Variants in GAB2 observed in about 807,000 individuals in gnomAD.
The protein encoded by GAB2 is GRB2-associated-binding protein 2.
Under a neutral mutation model 65.5 loss-of-function variants are expected in GAB2, and 26 were observed. That is an observed-to-expected ratio of 0.40 (90% CI 0.29 to 0.55). The LOEUF (loss-of-function observed/expected upper bound fraction) is 0.55, where lower values mean the gene tolerates loss of function less well. GAB2 is among the 20% of genes least tolerant of loss of function. The pLI, the probability that GAB2 is intolerant of heterozygous loss-of-function variation, is 0.53. For synonymous variants in GAB2, 321 were observed against 329.6 expected, an observed-to-expected ratio of 0.97 and a Z score of 0.28; for missense variants, 884 against 875.8, an observed-to-expected ratio of 1.01 and a Z score of -0.12.
intron 1 of GAB2, among the ~76,000 whole-genome samples, chr11:78,374,439 G>A (rs1400324134): frequency 6.6e-6 from 1 of 152,106 alleles, no homozygotes; most frequent in East Asian, 1.9e-4. Context: ...GAAAGACTTG[G>A]GGGTTACCCG....
chr11:78,404,672 T>C (rs1214084643), intron 1 of GAB2, among the ~76,000 whole-genome samples: 2 of 152,210 alleles, frequency 1.3e-5, no homozygotes, highest in Non-Finnish European at 2.9e-5. Flanking sequence ...ATTTAAACAC[T>C]GCATGTTCTT....
intron 2 of GAB2, among the ~76,000 whole-genome samples, chr11:78,274,768 A>T (rs1207437667): frequency 6.6e-6 from 1 of 152,248 alleles, no homozygotes; most frequent in African/African-American, 2.4e-5. Flanking sequence ...TCAGCCTGCC[A>T]TAGGGACCCC....
rs867372346 is a variant in GAB2, at chr11:78,231,338, T to G, written c.621-4287A>C. 4.2e-3 allele frequency among the ~76,000 whole-genome samples: 551 copies of G among 130,752 alleles called. 7 individuals are homozygous for G. Among genetic ancestry groups the G allele is most frequent in the Middle Eastern group, 0.022 (6 of 278 alleles). The allele number at this position is 130,752 out of a possible 152,430, so 85.8% of individuals were successfully genotyped here. A position where few individuals can be genotyped will look rare whatever the true frequency, so the allele number is the denominator to read the frequency against. On this transcript the variant is annotated intron_variant, in intron 3 of 9. Transcript: ENST00000361507. ...TTGGTGCGCGCGCGCGCGTGTGTGG[T>G]GTGTGTGTGTGTGTGTGTGTGTGTG...
rs569887849 is a variant in GAB2, at chr11:78,367,821, C to CTT, written c.75+49823_75+49824dup. On this transcript the variant is annotated intron_variant, in intron 1 of 9. Coordinates refer to ENST00000361507, the MANE Select transcript of GAB2 (RefSeq NM_080491.3). ...TATGTCAGTGCTTAATTTTCTTTTTCTTTTTTTTTTTTTTTTTTTTTGAGA... is the reference window on the plus strand; with the variant it reads ...TATGTCAGTGCTTAATTTTCTTTTTCTTTTTTTTTTTTTTTTTTTTTTTGAGA... 7.5e-3 allele frequency among the ~76,000 whole-genome samples: 865 copies of CTT among 116,052 alleles called. 11 individuals carry two copies. Among genetic ancestry groups the CTT allele is most frequent in the African/African-American group, 0.023 (712 of 31,046 alleles). 76.1% of individuals were successfully genotyped at this position (116,052 alleles called of 152,430 possible).
chr11:78,338,704 A>C (rs7119933), intron 1 of GAB2, among the ~76,000 whole-genome samples: 42,149 of 152,032 alleles, frequency 0.28, 6,721 homozygotes, highest in African/African-American at 0.42. Context: ...AAAACCAGAT[A>C]TCTTAATGAC....
rs535040845 is a variant in GAB2, at chr11:78,222,940, C to T, written c.1567+472G>A. The stretch of plus-strand genomic sequence containing the variant: ...TGGTCACCGTGACTACTCCCTGCTG[C>T]TCCTGGCCAGGTCGGTGCAAGCCAC... On this transcript the variant is annotated intron_variant, in intron 6 of 9. Coordinates refer to ENST00000361507, the MANE Select transcript of GAB2 (RefSeq NM_080491.3). 4.1e-4 allele frequency among the ~76,000 whole-genome samples: 63 copies of T among 152,300 alleles called. 1 individual carries two copies. In the South Asian group the frequency reaches 0.012, roughly 30 times the overall value.
chr11:78,356,223 T>C (rs979153276), intron 1 of GAB2, among the ~76,000 whole-genome samples: 2 of 151,706 alleles, frequency 1.3e-5, no homozygotes, highest in Non-Finnish European at 2.9e-5. Flanking sequence ...GGGTGATGTT[T>C]AGAAATTAGA....
At chr11:78,296,644 C>G (rs1263390721) in intron 1 of GAB2, among the ~76,000 whole-genome samples, 1 of 151,870 alleles carries the variant, frequency 6.6e-6, no homozygotes, top group East Asian at 1.9e-4. Flanking sequence ...AATAAGTACA[C>G]AAAACACTGC....
At chr11:78,389,800 CT>C (rs1856811306) in intron 1 of GAB2, among the ~76,000 whole-genome samples, 1 of 152,216 alleles carries the variant, frequency 6.6e-6, no homozygotes. Context: ...TTTACCACCC[CT>C]GCCAGTCAAA....
chr11:78,393,937 A>G (rs1856863618), intron 1 of GAB2, among the ~76,000 whole-genome samples: 1 of 152,240 alleles, frequency 6.6e-6, no homozygotes, highest in Non-Finnish European at 1.5e-5. Context: ...TGAGTTCCCC[A>G]CAAGGTAAAG....
At position 78,346,705 on chromosome 11, in the gene GAB2, A is replaced by T. The variant is rs1208188180; in HGVS notation, c.76-65804T>A. Among the ~76,000 whole-genome samples the T allele has an allele frequency of 7.3e-5, 7 of 95,530 alleles. No homozygotes were observed. The South Asian group carries it at 1.0e-3, about 14-fold the overall frequency. The allele number at this position is 95,530 out of a possible 152,430, so 62.7% of individuals were successfully genotyped here. ...TATATATATATATATATATATATAT[A>T]TATATATATATATATAATTTTTTTT... On this transcript the variant is annotated intron_variant, in intron 1 of 9. Coordinates refer to ENST00000361507, the MANE Select transcript of GAB2 (RefSeq NM_080491.3).
intron 1 of GAB2, among the ~76,000 whole-genome samples, chr11:78,330,249 T>A (rs1332929517): frequency 1.3e-5 from 2 of 152,208 alleles, no homozygotes; most frequent in Non-Finnish European, 1.5e-5. Flanking sequence ...TTGGTAAGCA[T>A]CTAATTCCTT....
At chr11:78,327,705 C>T (rs963332507) in intron 1 of GAB2, among the ~76,000 whole-genome samples, 1 of 151,704 alleles carries the variant, frequency 6.6e-6, no homozygotes, top group Non-Finnish European at 1.5e-5. Flanking sequence ...CAATGGTGAG[C>T]CCCCCAAATT....
At chr11:78,319,267 C>A (rs1318493030) in intron 1 of GAB2, among the ~76,000 whole-genome samples, 1 of 152,180 alleles carries the variant, frequency 6.6e-6, no homozygotes, top group African/African-American at 2.4e-5. Context: ...TGTGATAAAA[C>A]AGACACCCTT....
chr11:78,244,710 G>A (rs1865247906), intron 3 of GAB2, among the ~76,000 whole-genome samples: 1 of 141,010 alleles, frequency 7.1e-6, no homozygotes. Flanking sequence ...CTAATCAGCA[G>A]GGAAATGCAA....
At chr11:78,235,481 T>A (rs1590953472) in intron 3 of GAB2, among the ~76,000 whole-genome samples, 1 of 152,298 alleles carries the variant, frequency 6.6e-6, no homozygotes. Context: ...CATCGTCAGG[T>A]GGCAAATTTT....
intron 3 of GAB2, among the ~76,000 whole-genome samples, chr11:78,234,212 A>C (rs1008681250): frequency 6.6e-5 from 10 of 152,152 alleles, no homozygotes; most frequent in Admixed American, 2.0e-4. Flanking sequence ...CCTGCTGAGT[A>C]GCTGGGAATG....
chr11:78,225,179 A>T lies in GAB2; in HGVS notation c.1231T>A (p.Tyr411Asn). ...GCACTCTCTCCACCACGCTGTGGGT[A>T]CTCGTAGGTCTCACAGGAAGAAGCT... The part of the protein sequence containing the change: ...HRASSCETYE[Y>N]PQRGGESAGR... Residue 411 changes from tyrosine (Y) to asparagine (N), a missense_variant, in exon 5 of 10, where the codon TAC (tyrosine) becomes AAC (asparagine). By Grantham distance (143) the Tyr-to-Asn change is moderately radical. Coordinates refer to ENST00000361507, the MANE Select transcript of GAB2 (RefSeq NM_080491.3). The T allele has an allele frequency of 6.2e-7, 1 of 1,611,584 alleles. No homozygotes were observed. Among genetic ancestry groups the T allele is most frequent in the African/African-American group, 1.3e-5 (1 of 74,988 alleles).
rs1296718413 is a variant in GAB2, at chr11:78,370,147, C to T, written c.75+47499G>A. ...TGGCGGGCGCCTGTAGTCCCAGCTA[C>T]TTGGGAGGCTGAGGCAGGAGAATGG... On this transcript the variant is annotated intron_variant, in intron 1 of 9. Coordinates refer to ENST00000361507, the MANE Select transcript of GAB2 (RefSeq NM_080491.3). Among the ~76,000 whole-genome samples, 7 of 148,866 alleles carry T rather than the reference C, an allele frequency of 4.7e-5. No individual in the cohort carries two copies. The East Asian group carries it at 1.4e-3, about 29-fold the overall frequency.
Sources: gnomAD v4.1 joint callset for allele counts (sites outside exome capture counted in the v4.1 genomes callset) on GRCh38, gnomAD v4.1.1 for gene constraint, MANE v1.5 for transcripts, NCBI Gene and HGNC (gene_info 2026-07-23, HGNC 2026-07-21) for gene names.